Variants in TFF2 observed in about 807,000 individuals in gnomAD.
TFF2 encodes spasmolysin.
A neutral mutation model predicts 16.0 loss-of-function variants in TFF2; 19 were observed. That is an observed-to-expected ratio of 1.19 (90% CI 0.83 to 1.74). The LOEUF is 1.74. Ranked by LOEUF, TFF2 falls within the 40% of genes most tolerant of loss-of-function variation. The pLI is 0.00. For missense variants in TFF2, 168 were observed against 166.8 expected (o/e 1.01, Z -0.04); for synonymous variants, 61 against 65.4 (o/e 0.93, Z 0.32).
At position 42,348,379 on chromosome 21, in the gene TFF2, T is replaced by C. The variant is rs111544480; in HGVS notation, c.230-747A>G. 2.3e-3 allele frequency among the ~76,000 whole-genome samples: 354 copies of C among 152,304 alleles called. 2 individuals are homozygous for C. Among genetic ancestry groups the C allele is most frequent in the African/African-American group, 8.0e-3 (334 of 41,544 alleles). On this transcript the variant is annotated intron_variant, in intron 2 of 3. Coordinates refer to ENST00000291526, the MANE Select transcript of TFF2 (RefSeq NM_005423.5). ...ACTGCTGTCCTATTAAATACCTTCATTTCCCCATGGAAGCTTCTTCAGAAG... is the reference window on the plus strand; with the variant it reads ...ACTGCTGTCCTATTAAATACCTTCACTTCCCCATGGAAGCTTCTTCAGAAG...
intron 2 of TFF2, among the ~76,000 whole-genome samples, chr21:42,349,429 A>C (rs2052096359): frequency 7.1e-6 from 1 of 140,828 alleles, no homozygotes; most frequent in African/African-American, 2.7e-5. Context: ...GCCCCAGACT[A>C]ACCAACCTGG....
intron 2 of TFF2, among the ~76,000 whole-genome samples, chr21:42,348,614 C>A (rs2146393552): frequency 6.6e-6 from 1 of 152,180 alleles, no homozygotes; most frequent in Non-Finnish European, 1.5e-5. Context: ...CCAACCTGGG[C>A]TACCTCTAGA....
At position 42,350,129 on chromosome 21, in the gene TFF2, C is replaced by T. The variant is rs185845614; in HGVS notation, c.80-99G>A. On this transcript the variant is annotated intron_variant, in intron 1 of 3. Transcript: ENST00000291526. ...GGATGCCTCTACTGTCTTGTTGCCA[C>T]ATAGAGAAACACAAAGTCTTATCTT... The T allele has an allele frequency of 1.3e-5, 19 of 1,433,166 alleles. No homozygotes were observed. The East Asian group carries it at 4.9e-4, about 37-fold the overall frequency. 88.8% of individuals were successfully genotyped at this position (1,433,166 alleles called of 1,614,324 possible).
chr21:42,348,437 A>G (rs1157389547), intron 2 of TFF2, among the ~76,000 whole-genome samples: 3 of 152,180 alleles, frequency 2.0e-5, no homozygotes, highest in Admixed American at 2.0e-4. Flanking sequence ...GACCTACTAT[A>G]TATATATATA....
At chr21:42,349,240 C>T (rs1363715394) in intron 2 of TFF2, among the ~76,000 whole-genome samples, 3 of 149,648 alleles carry the variant, frequency 2.0e-5, no homozygotes, top group African/African-American at 7.4e-5. Context: ...CTATGCTAGC[C>T]CTAGACTAAC....
intron 1 of TFF2, chr21:42,350,256 G>GGT: frequency 8.9e-7 from 1 of 1,126,354 alleles, no homozygotes; most frequent in Non-Finnish European, 1.1e-6. Context: ...GCCAGGCATG[G>GGT]TGGCTCATAC....
intron 1 of TFF2, chr21:42,350,488 A>G (rs1309112866): frequency 5.1e-6 from 1 of 196,944 alleles, no homozygotes; most frequent in Non-Finnish European, 1.0e-5. Context: ...AGCCAAGATC[A>G]CACCACTGCA....
rs1431411462 is a variant in TFF2, at chr21:42,346,372, G to C, written c.*161C>G. 1 of 952,688 alleles carries C rather than the reference G, an allele frequency of 1.0e-6. No individual in the cohort carries two copies. Among genetic ancestry groups the C allele is most frequent in the Admixed American group, 2.6e-5 (1 of 38,698 alleles). 59.0% of individuals were successfully genotyped at this position (952,688 alleles called of 1,614,324 possible). On this transcript the variant is annotated 3_prime_UTR_variant, in exon 4 of 4. Transcript: ENST00000291526. ...CAAAAAGAAATTTAGCAGATTTTAAGGGTTTTATTTAAAGAAATTATATGT... is the reference window on the plus strand; with the variant it reads ...CAAAAAGAAATTTAGCAGATTTTAACGGTTTTATTTAAAGAAATTATATGT...
Position 42,350,880 on chromosome 21 carries a change from G to A in TFF2, c.78C>T (p.Pro26=). Residue 26 remains proline, a splice_region_variant and synonymous_variant, in exon 1 of 4, where the codon CCC becomes CCT. Coordinates refer to ENST00000291526, the MANE Select transcript of TFF2 (RefSeq NM_005423.5). ...AAAAAGACCCTCTCCTTCACTTACAGGGTTTCTCACTCCCCGCCAGGGCAC... is the reference window on the plus strand; with the variant it reads ...AAAAAGACCCTCTCCTTCACTTACAAGGTTTCTCACTCCCCGCCAGGGCAC... ...GLCALAGSEK[P]SPCQCSRLSP... 4 of 1,612,074 alleles carry A rather than the reference G, an allele frequency of 2.5e-6. No homozygotes were observed. Among genetic ancestry groups the A allele is most frequent in the Admixed American group, 1.7e-5 (1 of 59,620 alleles).
In TFF2 at chr21:42,347,420, C is replaced by T. The variant is rs200812929; in HGVS notation, c.376+66G>A. On this transcript the variant is annotated intron_variant, in intron 3 of 3. Transcript: ENST00000291526. ...AGGCAGCTCCCCTCCCTGCACCCCA[C>T]CTCTACGGACGGAGGAGGAATCATG... is the stretch of plus-strand genomic sequence containing the variant. 586 of 1,604,138 alleles carry T rather than the reference C, an allele frequency of 3.7e-4. 6 individuals carry two copies. Among genetic ancestry groups the T allele is most frequent in the Admixed American group, 6.7e-5 (4 of 59,636 alleles).
At position 42,349,961 on chromosome 21, in the gene TFF2, T is replaced by G; in HGVS notation, c.149A>C (p.Asp50Ala). The change falls in exon 2 of 4, where the codon GAC (aspartate) becomes GCC (alanine). Residue 50 changes from aspartate to alanine, a missense_variant. Physicochemically the swap from Asp to Ala is moderately radical, Grantham distance 126 (BLOSUM62 -2). Transcript: ENST00000291526. ...ACAGCATCCATTGTCAAAACACTGG[T>G]CACTGGTGATTCCAGGGAAGCCGCA... Reference protein sequence around the residue: ...TNCGFPGITSDQCFDNGCCFD... With the variant: ...TNCGFPGITSAQCFDNGCCFD... 1 of 1,599,148 alleles carries G rather than the reference T, an allele frequency of 6.3e-7. No individual in the cohort carries two copies. Among genetic ancestry groups the G allele is most frequent in the Non-Finnish European group, 8.5e-7 (1 of 1,172,662 alleles).
chr21:42,349,568 G>A (rs114862647), intron 2 of TFF2, among the ~76,000 whole-genome samples: 5,729 of 147,418 alleles, frequency 0.039, 420 homozygotes, highest in African/African-American at 0.14. Context: ...ACCAACCTGC[G>A]CTAGCTCCAA....
In TFF2 at chr21:42,346,556, T is replaced by G. The variant is rs1568858512; in HGVS notation, c.377-10A>C. 6.3e-7 allele frequency: 1 copy of G among 1,595,668 alleles called. No homozygotes were observed. The highest frequency in any genetic ancestry group is 1.1e-5 in the South Asian group (1 of 86,958). On this transcript the variant is annotated splice_polypyrimidine_tract_variant and intron_variant, in intron 3 of 3. Transcript: ENST00000291526. The stretch of plus-strand genomic sequence containing the variant: ...TCTTAGTAATGGCAGTCTAGAAGTT[T>G]AAATGCAAGATGGTTGGTAAGGGAA...
Position 42,350,989 on chromosome 21 carries a change from C to A in TFF2, c.-32G>T, listed in dbSNP as rs2052113291. 2 of 1,604,190 alleles carry A rather than the reference C, an allele frequency of 1.2e-6. No individual in the cohort carries two copies. The highest frequency in any genetic ancestry group is 1.7e-6 in the Non-Finnish European group (2 of 1,174,344). ...CTCAGCTGCACCCCAGGGTGGCTTG[C>A]AGAATGCATGGTGTCCACTGCCGGG... On this transcript the variant is annotated 5_prime_UTR_variant, in exon 1 of 4. Coordinates refer to ENST00000291526, the MANE Select transcript of TFF2 (RefSeq NM_005423.5).
chr21:42,347,405 C>T (rs1223115890), intron 3 of TFF2, 81 bp downstream of exon 3: 16 of 1,587,414 alleles, frequency 1.0e-5, no homozygotes, highest in Admixed American at 1.7e-5. Flanking sequence ...AGGCAGCTCC[C>T]CTCCCTGCAC....
In TFF2 at chr21:42,347,641, G is replaced by C; in HGVS notation, c.230-9C>G. The C allele has an allele frequency of 5.0e-6, 8 of 1,613,600 alleles. No homozygotes were observed. The highest frequency in any genetic ancestry group is 6.8e-6 in the Non-Finnish European group (8 of 1,179,914). ...GACGCACTGATCCGACTCTGCCATG[G>C]GACAGGCACAGCACCGAGACCCAGT... On this transcript the variant is annotated splice_polypyrimidine_tract_variant and intron_variant, in intron 2 of 3. Transcript: ENST00000291526.
Position 42,350,993 on chromosome 21 carries a change from A to G in TFF2, c.-36T>C. The G allele has an allele frequency of 6.3e-7, 1 of 1,596,810 alleles. No homozygotes were observed. The stretch of plus-strand genomic sequence containing the variant: ...GCTGCACCCCAGGGTGGCTTGCAGA[A>G]TGCATGGTGTCCACTGCCGGGTATG... On this transcript the variant is annotated 5_prime_UTR_variant, in exon 1 of 4. Coordinates refer to ENST00000291526, the MANE Select transcript of TFF2 (RefSeq NM_005423.5).
At chr21:42,348,446 TA>T (rs796787824) in intron 2 of TFF2, among the ~76,000 whole-genome samples, 3 of 151,898 alleles carry the variant, frequency 2.0e-5, no homozygotes, top group African/African-American at 7.3e-5. Flanking sequence ...TATATATATA[TA>T]TTTTTTTCTC....
At chr21:42,346,695 C>A (rs1047040737) in intron 3 of TFF2, 149 bp from the exon 4 acceptor site, 2 of 826,142 alleles carry the variant, frequency 2.4e-6, no homozygotes, top group East Asian at 2.7e-5. Context: ...GTAAAGGGAC[C>A]AAATCTTCCC....
Sources: allele counts gnomAD v4.1 joint callset (sites outside exome capture counted in the v4.1 genomes callset), GRCh38; gene constraint gnomAD v4.1.1; transcripts MANE v1.5; gene names NCBI Gene and HGNC (gene_info 2026-07-23, HGNC 2026-07-21).